Variants in CGNL1 observed in about 807,000 individuals in gnomAD.
The protein encoded by CGNL1 is cingulin like 1, also known as cingulin-like protein 1.
CGNL1 carries 132 observed loss-of-function variants against 141.2 expected under a neutral mutation model. The ratio of observed to expected loss-of-function variants is 0.93; its 90% CI spans 0.81 to 1.08. The LOEUF (loss-of-function observed/expected upper bound fraction) is 1.08, where lower values mean the gene tolerates loss of function less well. Among genes scored for constraint, CGNL1 ranks in the 50% least tolerant of loss-of-function variants. The pLI, the probability that CGNL1 is intolerant of heterozygous loss-of-function variation, is 0.00. For missense variants in CGNL1, 1,870 were observed against 1,588.6 expected (o/e 1.18, Z -3.01); for synonymous variants, 690 against 622.1 (o/e 1.11, Z -1.63).
rs142009248 is a variant in CGNL1 at position 57,536,594 on chromosome 15, A to G, written c.3291+4815A>G. On this transcript the variant is annotated intron_variant, in intron 14 of 18. Transcript: ENST00000281282. ...ATACAGAAAGGTTTCTGATTGGCTTATAAGTTGAAAGAAGTTGAAGTTGCT... is the reference window on the plus strand; with the variant it reads ...ATACAGAAAGGTTTCTGATTGGCTTGTAAGTTGAAAGAAGTTGAAGTTGCT... Among the ~76,000 whole-genome samples the G allele has an allele frequency of 2.1e-4, 32 of 152,332 alleles. No homozygotes were observed. In the East Asian group the frequency reaches 5.6e-3, roughly 27 times the overall value.
rs531496432 is a variant in CGNL1, at chr15:57,433,333, A to G, written c.-15-4652A>G. ...ATGATATTAGTAGCCTTGTCAAACC[A>G]GATAAGTTTAGAAGTTCTTCTCCTT... On this transcript the variant is annotated intron_variant, in intron 1 of 18. Coordinates refer to ENST00000281282, the MANE Select transcript of CGNL1 (RefSeq NM_032866.5). Among the ~76,000 whole-genome samples, 4 of 152,358 alleles carry G rather than the reference A, an allele frequency of 2.6e-5. No homozygotes were observed. The South Asian group carries it at 8.3e-4, about 32-fold the overall frequency.
intron 8 of CGNL1, among the ~76,000 whole-genome samples, chr15:57,501,466 G>A (rs1452711643): frequency 6.6e-6 from 1 of 152,224 alleles, no homozygotes; most frequent in Admixed American, 6.5e-5. Context: ...CCTGTCCTCA[G>A]GGGGTGCAAC....
At chr15:57,394,985 G>A (rs1352230542) in intron 1 of CGNL1, among the ~76,000 whole-genome samples, 5 of 152,124 alleles carry the variant, frequency 3.3e-5, no homozygotes, top group Admixed American at 3.3e-4. Context: ...GGTGGCATAC[G>A]CCTGTAGTCC....
At chr15:57,547,309 G>C (rs759891969) in intron 18 of CGNL1, 46 bp from the exon 19 acceptor site, 6 of 1,603,878 alleles carry the variant, frequency 3.7e-6, no homozygotes, top group Non-Finnish European at 4.3e-6. Context: ...ATTAGCTATG[G>C]GCCCCGGCCC....
intron 8 of CGNL1, among the ~76,000 whole-genome samples, chr15:57,467,836 C>T (rs1399336113): frequency 1.3e-5 from 2 of 151,768 alleles, no homozygotes; most frequent in Non-Finnish European, 2.9e-5. Context: ...ATTACAGGCG[C>T]CTGCCACCAC....
At chr15:57,459,240 A>G (rs1595726313) in intron 7 of CGNL1, among the ~76,000 whole-genome samples, 1 of 152,198 alleles carries the variant, frequency 6.6e-6, no homozygotes, top group African/African-American at 2.4e-5. Context: ...CACCTGCTGT[A>G]CTGCACTTGT....
At chr15:57,437,619 C>CAAAAAAAAAAAA (rs540499763) in intron 1 of CGNL1, among the ~76,000 whole-genome samples, 24 of 36,078 alleles carry the variant, frequency 6.7e-4, no homozygotes, top group East Asian at 1.6e-3. Flanking sequence ...AACTAAACAG[C>CAAAAAAAAAAAA]AAAAAAAAAA....
chr15:57,426,414 G>C (rs12594412), intron 1 of CGNL1, among the ~76,000 whole-genome samples: 4,452 of 151,500 alleles, frequency 0.029, 201 homozygotes, highest in East Asian at 0.13. Flanking sequence ...CAAAGCGCTG[G>C]GATTACAGGC....
intron 8 of CGNL1, among the ~76,000 whole-genome samples, chr15:57,506,812 C>T (rs1225646895): frequency 6.6e-6 from 1 of 152,178 alleles, no homozygotes; most frequent in Non-Finnish European, 1.5e-5. Flanking sequence ...TGCATAATGT[C>T]TCAATTCATT....
chr15:57,542,847 A>C lies in CGNL1; in HGVS notation c.3292-849A>C, dbSNP rs1160473921. 5.3e-5 allele frequency among the ~76,000 whole-genome samples: 8 copies of C among 152,332 alleles called. No individual in the cohort carries two copies. The East Asian group carries it at 1.5e-3, about 29-fold the overall frequency. On this transcript the variant is annotated intron_variant, in intron 14 of 18. Coordinates refer to ENST00000281282, the MANE Select transcript of CGNL1 (RefSeq NM_032866.5). ...AACAGCCTGAGAACATCCTCAGTCCAGGCAAACTTAGACAGTGGGTCACCC... is the reference window on the plus strand; with the variant it reads ...AACAGCCTGAGAACATCCTCAGTCCCGGCAAACTTAGACAGTGGGTCACCC...
chr15:57,496,274 A>G (rs1230151808), intron 8 of CGNL1, among the ~76,000 whole-genome samples: 3 of 152,222 alleles, frequency 2.0e-5, no homozygotes, highest in African/African-American at 7.2e-5. Flanking sequence ...CCTATTGAGA[A>G]GATCAAGAGT....
rs74727451 is a variant in CGNL1 at position 57,548,973 on chromosome 15, A to G, written c.*1483A>G. On this transcript the variant is annotated 3_prime_UTR_variant, in exon 19 of 19. Transcript: ENST00000281282. ...TTATGTCGAGGAAGGGAAGAAAGAA[A>G]CAGAAGTCAGGCAGAGGCGTGTCTG... The G allele has an allele frequency of 0.02, 3,042 of 152,492 alleles. 115 individuals are homozygous for G. The highest frequency in any genetic ancestry group is 0.069 in the African/African-American group (2,868 of 41,546). The allele number at this position is 152,492 out of a possible 1,614,324, so 9.4% of individuals were successfully genotyped here.
At chr15:57,519,889 C>G (rs2031125860) in intron 10 of CGNL1, among the ~76,000 whole-genome samples, 1 of 152,216 alleles carries the variant, frequency 6.6e-6, no homozygotes, top group Admixed American at 6.5e-5. Flanking sequence ...CAAACAGGAA[C>G]TTTTCACACA....
At chr15:57,543,151 T>C (rs2032656043) in intron 14 of CGNL1, among the ~76,000 whole-genome samples, 1 of 152,188 alleles carries the variant, frequency 6.6e-6, no homozygotes. Context: ...TGCCTCCTCC[T>C]AGCTTCTGGT....
At chr15:57,444,472 A>G (rs1156924479) in intron 4 of CGNL1, among the ~76,000 whole-genome samples, 2 of 152,192 alleles carry the variant, frequency 1.3e-5, no homozygotes, top group Non-Finnish European at 2.9e-5. Context: ...GTTGTGAGTT[A>G]GGCATGTGTT....
At chr15:57,469,757 A>T (rs1400046075) in intron 8 of CGNL1, among the ~76,000 whole-genome samples, 1 of 152,048 alleles carries the variant, frequency 6.6e-6, no homozygotes, top group Non-Finnish European at 1.5e-5. Flanking sequence ...TGTGTATTTT[A>T]CCCAGCAATT....
chr15:57,522,263 C>T (rs553387456), intron 10 of CGNL1, among the ~76,000 whole-genome samples: 4 of 152,218 alleles, frequency 2.6e-5, no homozygotes, highest in Non-Finnish European at 5.9e-5. Context: ...CCCAACAGAG[C>T]CCAGGGACCG....
chr15:57,491,918 AC>A (rs2063869704), intron 8 of CGNL1, among the ~76,000 whole-genome samples: 1 of 152,172 alleles, frequency 6.6e-6, no homozygotes, highest in African/African-American at 2.4e-5. Context: ...TGAAACTGTT[AC>A]GGTCATCAAA....
Position 57,418,352 on chromosome 15 carries a change from C to G in CGNL1, c.-15-19633C>G, listed in dbSNP as rs112657764. 8.5e-5 allele frequency among the ~76,000 whole-genome samples: 13 copies of G among 152,180 alleles called. 2 individuals are homozygous for G. The highest frequency in any genetic ancestry group is 3.1e-4 in the African/African-American group (13 of 41,528). On this transcript the variant is annotated intron_variant, in intron 1 of 18. Transcript: ENST00000281282. ...ATGCCTCATTTTTTGGTACTCATTT[C>G]TTGCTCTCAATTCCTTTCTGTTTCT...
Sources: allele counts gnomAD v4.1 joint callset (sites outside exome capture counted in the v4.1 genomes callset), GRCh38; gene constraint gnomAD v4.1.1; transcripts MANE v1.5; gene names NCBI Gene and HGNC (gene_info 2026-07-23, HGNC 2026-07-21).